Variants in ARID1B observed in about 807,000 individuals in gnomAD.
ARID1B encodes AT-rich interactive domain-containing protein 1B.
Under a neutral mutation model 212.3 loss-of-function variants are expected in ARID1B, and 30 were observed. The observed-to-expected ratio is 0.14, with a 90% CI of 0.11 to 0.19. ARID1B has a LOEUF of 0.19. Ranked by LOEUF, ARID1B falls within the 10% of genes least tolerant of loss-of-function variation. The pLI is 1.00. For missense variants in ARID1B, 2,891 were observed against 3,204.0 expected, an observed-to-expected ratio of 0.90 and a Z score of 2.36; for synonymous variants, 1,402 against 1,301.7, an observed-to-expected ratio of 1.08 and a Z score of -1.66.
intron 2 of ARID1B, among the ~76,000 whole-genome samples, chr6:156,901,088 C>G (rs1427863401): frequency 6.6e-6 from 1 of 152,024 alleles, no homozygotes; most frequent in Non-Finnish European, 1.5e-5. Flanking sequence ...ATTTTTTAGT[C>G]TCAGTATTTA....
At chr6:157,149,107 C>A in intron 8 of ARID1B, 156 bp downstream of exon 8, 2 of 742,160 alleles carry the variant, frequency 2.7e-6, no homozygotes, top group Non-Finnish European at 4.3e-6. Flanking sequence ...TATTCTGTAG[C>A]ATCGAGGTCA....
intron 16 of ARID1B, 138 bp from the exon 17 acceptor site, chr6:157,198,673 G>T (rs1004494678): frequency 4.8e-6 from 3 of 630,168 alleles, no homozygotes; most frequent in Non-Finnish European, 8.1e-6. Flanking sequence ...CCTCTCAGAG[G>T]GCCTTTGTCG....
chr6:156,827,936 T>C (rs905914306), intron 1 of ARID1B, among the ~76,000 whole-genome samples: 8 of 151,668 alleles, frequency 5.3e-5, no homozygotes, highest in African/African-American at 1.7e-4. Context: ...GATTTTTGTA[T>C]TTTTAGTAGA....
chr6:157,200,258 G>T lies in ARID1B; in HGVS notation c.4480-447G>T, dbSNP rs1794002908. ...CTGGGGAGCCGAGTCCTGTTCGGGG[G>T]CTTTTCTGTAAAATGAGGCCCAAGA... is the stretch of plus-strand genomic sequence containing the variant. On this transcript the variant is annotated intron_variant, in intron 17 of 19. Coordinates refer to ENST00000636930, the MANE Select transcript of ARID1B (RefSeq NM_001374828.1). The surrounding 1 kb of genome is among the most constrained non-coding windows in gnomAD (Gnocchi z 4.3). 6.6e-6 allele frequency among the ~76,000 whole-genome samples: 1 copy of T among 152,120 alleles called. No homozygotes were observed. Among genetic ancestry groups the T allele is most frequent in the Non-Finnish European group, 1.5e-5 (1 of 68,002 alleles).
intron 7 of ARID1B, 149 bp downstream of exon 7, chr6:157,133,356 G>T: frequency 1.2e-6 from 1 of 853,984 alleles, no homozygotes; most frequent in Non-Finnish European, 1.7e-6. Flanking sequence ...CAAGCCCACA[G>T]TACTTTAGCT....
chr6:157,071,636 G>A (rs541293418), intron 4 of ARID1B: 46 of 152,330 alleles, frequency 3.0e-4, no homozygotes, highest in African/African-American at 1.1e-3. Flanking sequence ...GGTATTCATT[G>A]TTTCCTGATA....
At chr6:157,083,389 C>G (rs189702505) in intron 4 of ARID1B, among the ~76,000 whole-genome samples, 1 of 152,264 alleles carries the variant, frequency 6.6e-6, no homozygotes, top group Non-Finnish European at 1.5e-5. Flanking sequence ...ATCTGGGAGT[C>G]CAGTCATTGC....
chr6:156,954,056 T>C (rs1003549932), intron 4 of ARID1B, among the ~76,000 whole-genome samples: 2 of 152,232 alleles, frequency 1.3e-5, no homozygotes, highest in Non-Finnish European at 2.9e-5. Context: ...CTTGTAACAT[T>C]TTATAGGCTT....
chr6:157,057,626 T>G (rs1022351239), intron 4 of ARID1B, among the ~76,000 whole-genome samples: 1 of 152,166 alleles, frequency 6.6e-6, no homozygotes, highest in Non-Finnish European at 1.5e-5. Context: ...ACTGATTCCT[T>G]TCAGAATTAC....
At chr6:156,913,951 C>CG (rs1790128033) in intron 3 of ARID1B, among the ~76,000 whole-genome samples, 1 of 149,348 alleles carries the variant, frequency 6.7e-6, no homozygotes, top group African/African-American at 2.5e-5. Flanking sequence ...CAACGACCAG[C>CG]CCATCCCAGC....
intron 7 of ARID1B, among the ~76,000 whole-genome samples, chr6:157,138,386 C>T (rs1427465374): frequency 2.0e-5 from 3 of 152,150 alleles, no homozygotes; most frequent in South Asian, 2.1e-4. Flanking sequence ...CAGACATGCA[C>T]CCCACGCCGG....
intron 12 of ARID1B, among the ~76,000 whole-genome samples, chr6:157,184,007 C>A (rs1488700781): frequency 6.6e-6 from 1 of 152,158 alleles, no homozygotes; most frequent in African/African-American, 2.4e-5. Flanking sequence ...ATGTGGCGGG[C>A]AGAAGGACCT....
intron 1 of ARID1B, among the ~76,000 whole-genome samples, chr6:156,791,842 A>C (rs1780031419): frequency 6.6e-6 from 1 of 152,164 alleles, no homozygotes; most frequent in African/African-American, 2.4e-5. Flanking sequence ...GTGTCCTTTT[A>C]AAAAAGGACA....
chr6:156,856,672 C>CCTCTCTCTCTCTCT (rs367924636), intron 2 of ARID1B, among the ~76,000 whole-genome samples: 53 of 108,546 alleles, frequency 4.9e-4, no homozygotes, highest in South Asian at 1.3e-3. Flanking sequence ...GCATGCATAT[C>CCTCTCTCTCTCTCT]CTCTCTCTCT....
intron 1 of ARID1B, among the ~76,000 whole-genome samples, chr6:156,809,388 T>C (rs1419280601): frequency 6.6e-6 from 1 of 152,250 alleles, no homozygotes; most frequent in Non-Finnish European, 1.5e-5. Context: ...GAAGACATTT[T>C]ACAGTTGTAA....
intron 2 of ARID1B, among the ~76,000 whole-genome samples, chr6:156,869,906 A>T (rs554524301): frequency 6.6e-6 from 1 of 152,270 alleles, no homozygotes; most frequent in South Asian, 2.1e-4. Context: ...TATCATTTCC[A>T]ATAATGTTCT....
chr6:157,050,934 TCC>T (rs1782561435), intron 4 of ARID1B, among the ~76,000 whole-genome samples: 1 of 152,186 alleles, frequency 6.6e-6, no homozygotes, highest in Admixed American at 6.5e-5. Flanking sequence ...GAAGTTGACC[TCC>T]CTAAAGGATA....
chr6:157,025,838 T>C (rs1780623389), intron 4 of ARID1B, among the ~76,000 whole-genome samples: 1 of 152,186 alleles, frequency 6.6e-6, no homozygotes, highest in South Asian at 2.1e-4. Context: ...AAGTAGAGGA[T>C]TGCTGGATCA....
At position 157,105,525 on chromosome 6, in the gene ARID1B, A is replaced by C. The variant is rs142647817; in HGVS notation, c.2492-4947A>C. ...AGAAAGACTTGAACAAACAATTCACAAGGAAAGATATTAAAATGGCCCTAA... is the reference window on the plus strand; with the variant it reads ...AGAAAGACTTGAACAAACAATTCACCAGGAAAGATATTAAAATGGCCCTAA... On this transcript the variant is annotated intron_variant, in intron 5 of 19. Coordinates refer to ENST00000636930, the MANE Select transcript of ARID1B (RefSeq NM_001374828.1). Among the ~76,000 whole-genome samples the C allele has an allele frequency of 5.5e-3, 836 of 152,338 alleles. 7 individuals carry two copies. Among genetic ancestry groups the C allele is most frequent in the African/African-American group, 0.019 (788 of 41,574 alleles).
Sources: allele counts gnomAD v4.1 joint callset (sites outside exome capture counted in the v4.1 genomes callset), GRCh38; gene constraint gnomAD v4.1.1; non-coding constraint Gnocchi (gnomAD v3.1); transcripts MANE v1.5; gene names NCBI Gene and HGNC (gene_info 2026-07-23, HGNC 2026-07-21).